C9orf85: variants seen among roughly 807,000 people sequenced by gnomAD.
The protein encoded by C9orf85 is uncharacterized protein C9orf85.
In C9orf85, 16 loss-of-function variants were observed where a neutral mutation model predicts 14.9. The ratio of observed to expected loss-of-function variants is 1.08; its 90% CI spans 0.73 to 1.63. C9orf85 has a LOEUF of 1.63. C9orf85 is among the 40% of genes most tolerant of loss of function. C9orf85 has a pLI of 0.00. For synonymous variants in C9orf85, 45 were observed against 56.8 expected (o/e 0.79, Z 0.93); for missense variants, 172 against 186.1 (o/e 0.92, Z 0.44).
intron 2 of C9orf85, among the ~76,000 whole-genome samples, chr9:71,948,024 C>T (rs538905632): frequency 6.6e-6 from 1 of 152,322 alleles, no homozygotes; most frequent in South Asian, 2.1e-4. Flanking sequence ...TCCTTCAGCT[C>T]AGCTGTGTAA....
exon 4 of C9orf85, chr9:71,982,948 C>A: frequency 5.3e-6 from 1 of 187,328 alleles, no homozygotes; most frequent in Non-Finnish European, 1.1e-5. Context: ...TTGTATATTT[C>A]TAATGACTCA....
At chr9:71,951,824 C>A (rs1375823299) in intron 2 of C9orf85, among the ~76,000 whole-genome samples, 1 of 151,764 alleles carries the variant, frequency 6.6e-6, no homozygotes, top group Non-Finnish European at 1.5e-5. Flanking sequence ...CGATATGGAG[C>A]TGAATTGTTG....
At chr9:71,922,247 T>C (rs1044719380) in intron 1 of C9orf85, among the ~76,000 whole-genome samples, 9 of 152,096 alleles carry the variant, frequency 5.9e-5, no homozygotes, top group African/African-American at 2.2e-4. Context: ...CTGGTTGGTG[T>C]TTTAATGTCC....
intron 1 of C9orf85, among the ~76,000 whole-genome samples, chr9:71,938,981 A>G (rs893302517): frequency 6.6e-6 from 1 of 151,840 alleles, no homozygotes; most frequent in African/African-American, 2.4e-5. Flanking sequence ...ATATGTGGAA[A>G]AAATGTGAAC....
At chr9:71,943,552 T>TC (rs1300760886) in intron 1 of C9orf85, among the ~76,000 whole-genome samples, 1 of 152,064 alleles carries the variant, frequency 6.6e-6, no homozygotes, top group East Asian at 1.9e-4. Context: ...GTTTTTTGTT[T>TC]TTTTTTTGAG....
rs137922257 is a variant in C9orf85 at position 71,913,992 on chromosome 9, A to C, written c.102+2156A>C. On this transcript the variant is annotated intron_variant, in intron 1 of 3. Transcript: ENST00000334731. ...TGAAGGTTCTGACAAAAACAACACA[A>C]AATATTTTACTGAGGAAAAATCATT... is the stretch of plus-strand genomic sequence containing the variant. Among the ~76,000 whole-genome samples the C allele has an allele frequency of 3.7e-3, 564 of 152,326 alleles. 3 individuals carry two copies. Among genetic ancestry groups the C allele is most frequent in the African/African-American group, 0.013 (524 of 41,574 alleles).
Position 71,928,186 on chromosome 9 carries a change from C to CAAAAAAAA in C9orf85, c.102+16372_102+16379dup, listed in dbSNP as rs58238164. On this transcript the variant is annotated intron_variant, in intron 1 of 3. Coordinates refer to ENST00000334731, the MANE Select transcript of C9orf85 (RefSeq NM_182505.5). ...TGGGCAACAGAATGAGGCTCTGTCT[C>CAAAAAAAA]AAAAAAAAAAAAAAAAAAAAAAAAA... is the stretch of plus-strand genomic sequence containing the variant. 2.3e-3 allele frequency among the ~76,000 whole-genome samples: 172 copies of CAAAAAAAA among 74,274 alleles called. 7 individuals carry two copies. Among genetic ancestry groups the CAAAAAAAA allele is most frequent in the African/African-American group, 4.2e-3 (76 of 17,898 alleles). 48.7% of individuals were successfully genotyped at this position (74,274 alleles called of 152,430 possible). A position where few individuals can be genotyped will look rare whatever the true frequency, so the allele number is the denominator to read the frequency against.
At chr9:71,950,943 G>C (rs906736746) in intron 2 of C9orf85, among the ~76,000 whole-genome samples, 2 of 152,108 alleles carry the variant, frequency 1.3e-5, no homozygotes, top group Non-Finnish European at 2.9e-5. Context: ...CAAAAACCGC[G>C]TGTTAATTAG....
downstream of C9orf85, chr9:71,983,886 A>G (rs1183550015): frequency 1.3e-5 from 2 of 152,250 alleles, no homozygotes; most frequent in African/African-American, 2.4e-5. Context: ...GATGCCAGTA[A>G]TAGGATATAT....
chr9:71,941,265 C>CTGTG (rs569181908), intron 1 of C9orf85, among the ~76,000 whole-genome samples: 93 of 152,288 alleles, frequency 6.1e-4, no homozygotes, highest in African/African-American at 2.2e-3. Context: ...GAAAGTGTTA[C>CTGTG]TGTGGTACAG....
intron 1 of C9orf85, among the ~76,000 whole-genome samples, chr9:71,927,467 G>A (rs1176625275): frequency 2.0e-5 from 3 of 152,078 alleles, no homozygotes; most frequent in South Asian, 4.1e-4. Context: ...AGAAAAAAAA[G>A]TAAACTCATA....
downstream of C9orf85, among the ~76,000 whole-genome samples, chr9:71,977,159 C>A (rs1823018273): frequency 6.6e-6 from 1 of 151,716 alleles, no homozygotes; most frequent in Admixed American, 6.6e-5. Context: ...ATGTCCAGAG[C>A]TTTTTCAAGC....
At chr9:71,933,576 C>A (rs2132279690) in intron 1 of C9orf85, among the ~76,000 whole-genome samples, 1 of 152,304 alleles carries the variant, frequency 6.6e-6, no homozygotes, top group South Asian at 2.1e-4. Context: ...ATCTGAATCG[C>A]TAGACTGCTC....
At chr9:71,952,961 A>T (rs1023050879) in intron 2 of C9orf85, among the ~76,000 whole-genome samples, 1 of 152,138 alleles carries the variant, frequency 6.6e-6, no homozygotes, top group Admixed American at 6.5e-5. Context: ...GGTATAAAAC[A>T]GCACAGTCCT....
chr9:71,954,321 G>A (rs541737174), intron 2 of C9orf85, among the ~76,000 whole-genome samples: 56 of 152,006 alleles, frequency 3.7e-4, no homozygotes, highest in African/African-American at 1.3e-3. Flanking sequence ...AGGTGTTACT[G>A]TTTGGGAGAA....
chr9:71,958,468 G>A (rs544331884), intron 2 of C9orf85, among the ~76,000 whole-genome samples: 2 of 151,766 alleles, frequency 1.3e-5, no homozygotes, highest in Admixed American at 1.3e-4. Flanking sequence ...CTACATGTTG[G>A]TCAGGCTGGT....
At chr9:71,945,207 A>G (rs967223411) in intron 1 of C9orf85, among the ~76,000 whole-genome samples, 1 of 152,258 alleles carries the variant, frequency 6.6e-6, no homozygotes, top group African/African-American at 2.4e-5. Flanking sequence ...AATGCTTAGT[A>G]AGATGTTCTA....
downstream of C9orf85, among the ~76,000 whole-genome samples, chr9:71,977,506 T>G (rs981220401): frequency 6.6e-6 from 1 of 152,236 alleles, no homozygotes; most frequent in Non-Finnish European, 1.5e-5. Context: ...ACCTAAATCT[T>G]ATATAAGATA....
chr9:71,970,633 G>A (rs2132358636), intron 2 of C9orf85, among the ~76,000 whole-genome samples: 1 of 152,210 alleles, frequency 6.6e-6, no homozygotes, highest in South Asian at 2.1e-4. Flanking sequence ...ATCAATACAT[G>A]TGAATCCTCA....
Sources: allele counts gnomAD v4.1 joint callset (sites outside exome capture counted in the v4.1 genomes callset), GRCh38; gene constraint gnomAD v4.1.1; transcripts MANE v1.5; gene names NCBI Gene and HGNC (gene_info 2026-07-23, HGNC 2026-07-21).